The following RAPGEF2 variants were observed in gnomAD, a reference collection of about 807,000 sequenced individuals.
RAPGEF2 encodes Rap guanine nucleotide exchange factor 2, also known as PDZ domain containing guanine nucleotide exchange factor (GEF) 1.
A neutral mutation model predicts 186.7 loss-of-function variants in RAPGEF2; 54 were observed. That is an observed-to-expected ratio of 0.29 (90% CI 0.23 to 0.36). The LOEUF (loss-of-function observed/expected upper bound fraction) is 0.36, where lower values mean the gene tolerates loss of function less well. Among genes scored for constraint, RAPGEF2 ranks in the 10% least tolerant of loss-of-function variants. The pLI is 1.00. For missense variants in RAPGEF2, 1,532 were observed against 2,045.0 expected, an observed-to-expected ratio of 0.75 and a Z score of 4.84; for synonymous variants, 712 against 705.9, an observed-to-expected ratio of 1.01 and a Z score of -0.14.
intron 7 of RAPGEF2, among the ~76,000 whole-genome samples, chr4:159,283,599 A>G (rs1209500172): frequency 1.3e-5 from 2 of 152,204 alleles, no homozygotes; most frequent in African/African-American, 2.4e-5. Context: ...CCAAAGAAAG[A>G]TGCATCTTAG....
chr4:159,145,078 A>C (rs959742320), intron 1 of RAPGEF2, among the ~76,000 whole-genome samples: 8 of 151,364 alleles, frequency 5.3e-5, no homozygotes, highest in African/African-American at 1.9e-4. Flanking sequence ...ACAGGATTTC[A>C]CCATGTTGCC....
At chr4:159,253,535 T>C (rs1215993939) in intron 7 of RAPGEF2, among the ~76,000 whole-genome samples, 1 of 152,246 alleles carries the variant, frequency 6.6e-6, no homozygotes, top group African/African-American at 2.4e-5. Context: ...AAACTTCAAA[T>C]TTTATCATTA....
intron 11 of RAPGEF2, chr4:159,328,636 T>C (rs547138201): frequency 6.6e-6 from 1 of 152,270 alleles, no homozygotes; most frequent in East Asian, 1.9e-4. Flanking sequence ...TGCTCAGAAA[T>C]AATATTAACA....
intron 1 of RAPGEF2, among the ~76,000 whole-genome samples, chr4:159,106,636 C>G (rs1057019481): frequency 1.3e-5 from 2 of 152,188 alleles, no homozygotes; most frequent in Non-Finnish European, 2.9e-5. Context: ...AGGATAGACT[C>G]GATAAAGGAG....
chr4:159,269,154 T>C (rs1757795895), intron 7 of RAPGEF2, among the ~76,000 whole-genome samples: 1 of 152,188 alleles, frequency 6.6e-6, no homozygotes, highest in African/African-American at 2.4e-5. Context: ...AGTTTATAGA[T>C]AGAAGGCCAT....
chr4:159,162,415 T>TG (rs1367032069), intron 1 of RAPGEF2, among the ~76,000 whole-genome samples: 2 of 150,170 alleles, frequency 1.3e-5, no homozygotes, highest in Non-Finnish European at 3.0e-5. Flanking sequence ...AAAAAAGGTC[T>TG]GGGAATCTTT....
At chr4:159,250,006 A>T (rs895251324) in intron 7 of RAPGEF2, among the ~76,000 whole-genome samples, 10 of 152,228 alleles carry the variant, frequency 6.6e-5, no homozygotes, top group African/African-American at 1.9e-4. Context: ...TATCAAGGCA[A>T]AAAAGTAAAA....
chr4:159,165,403 A>G (rs575267161), intron 1 of RAPGEF2, among the ~76,000 whole-genome samples: 34 of 152,314 alleles, frequency 2.2e-4, no homozygotes, highest in Admixed American at 2.0e-3. Flanking sequence ...AATCATTCAG[A>G]TCGGATATGT....
At chr4:159,287,627 A>G (rs1291262068) in intron 7 of RAPGEF2, among the ~76,000 whole-genome samples, 1 of 152,106 alleles carries the variant, frequency 6.6e-6, no homozygotes, top group Non-Finnish European at 1.5e-5. Flanking sequence ...AAAATATGTT[A>G]ATTTTTGTTT....
intron 1 of RAPGEF2, among the ~76,000 whole-genome samples, chr4:159,158,727 T>A (rs530334926): frequency 2.4e-4 from 37 of 152,200 alleles, no homozygotes; most frequent in Admixed American, 1.6e-3. Flanking sequence ...CTTTTTAATT[T>A]ATGCAATTTG....
Position 159,285,770 on chromosome 4 carries a change from C to T in RAPGEF2, c.544-18572C>T, listed in dbSNP as rs115641012. Among the ~76,000 whole-genome samples, 1,252 of 152,180 alleles carry T rather than the reference C, an allele frequency of 8.2e-3. 15 individuals are homozygous for T. The highest frequency in any genetic ancestry group is 0.028 in the African/African-American group (1,177 of 41,522). On this transcript the variant is annotated intron_variant, in intron 7 of 29. Coordinates refer to ENST00000691494, the MANE Select transcript of RAPGEF2 (RefSeq NM_001394067.2). Reference sequence around the variant, plus strand: ...CAAGAATCACTGTCTCATCACAGTACGGATCAGAATATTCCCTCCCTCATC... The same window carrying T: ...CAAGAATCACTGTCTCATCACAGTATGGATCAGAATATTCCCTCCCTCATC...
intron 1 of RAPGEF2, among the ~76,000 whole-genome samples, chr4:159,164,728 A>G (rs1745111928): frequency 6.6e-6 from 1 of 152,180 alleles, no homozygotes. Flanking sequence ...CTTGAAACTG[A>G]TATTTTGGTT....
At chr4:159,276,591 A>G (rs1758907445) in intron 7 of RAPGEF2, among the ~76,000 whole-genome samples, 1 of 152,200 alleles carries the variant, frequency 6.6e-6, no homozygotes, top group African/African-American at 2.4e-5. Context: ...TAAAATTTGA[A>G]ATAGCTTAGC....
intron 4 of RAPGEF2, among the ~76,000 whole-genome samples, chr4:159,221,563 T>G (rs756125554): frequency 1.3e-5 from 2 of 152,158 alleles, no homozygotes; most frequent in Non-Finnish European, 2.9e-5. Context: ...AAAATAATAA[T>G]ATAAAAACTA....
At position 159,332,534 on chromosome 4, in the gene RAPGEF2, G is replaced by C. The variant is rs183438275; in HGVS notation, c.1972G>C (p.Ala658Pro). The C allele has an allele frequency of 1.9e-6, 3 of 1,614,108 alleles. No homozygotes were observed. The East Asian group carries it at 6.7e-5, about 36-fold the overall frequency. The change falls in exon 17 of 30, where the codon GCC becomes CCC. Residue 658 changes from alanine (A) to proline (P), a missense_variant. Coordinates refer to ENST00000691494, the MANE Select transcript of RAPGEF2 (RefSeq NM_001394067.2). ...TCCTAAAATTGGTGACATTAAAAAG[G>C]CCAGTCGCTACTCCATTCCAGATCT... ...HLPKIGDIKK[A>P]SRYSIPDLAV...
chr4:159,358,736 C>T lies in RAPGEF2; in HGVS notation c.*597C>T, dbSNP rs1229606802. The T allele has an allele frequency of 6.6e-6, 1 of 151,910 alleles. No individual in the cohort carries two copies. The highest frequency in any genetic ancestry group is 2.4e-5 in the African/African-American group (1 of 41,340). 9.4% of individuals were successfully genotyped at this position (151,910 alleles called of 1,614,324 possible). A position where few individuals can be genotyped will look rare whatever the true frequency, so the allele number is the denominator to read the frequency against. ...TAAATATATATCCATTTAATGATTACAGTATTATTTTAAACCTTAAGTAGG... is the reference window on the plus strand; with the variant it reads ...TAAATATATATCCATTTAATGATTATAGTATTATTTTAAACCTTAAGTAGG... On this transcript the variant is annotated 3_prime_UTR_variant, in exon 30 of 30. Coordinates refer to ENST00000691494, the MANE Select transcript of RAPGEF2 (RefSeq NM_001394067.2).
At position 159,343,474 on chromosome 4, in the gene RAPGEF2, A is replaced by AT. The variant is rs1350393322; in HGVS notation, c.3254+77dup. ...TAAATTTAGAGCTTCCCAATAAATG[A>AT]TTTTTTTAAAGTTTGAGTATTTATA... On this transcript the variant is annotated intron_variant, in intron 22 of 29. Transcript: ENST00000691494. The AT allele has an allele frequency of 6.8e-5, 107 of 1,565,912 alleles. No individual in the cohort carries two copies. The East Asian group carries it at 7.2e-4, about 11-fold the overall frequency.
At chr4:159,343,571 C>T (rs939247183) in intron 22 of RAPGEF2, among the ~76,000 whole-genome samples, 167 bp downstream of exon 22, 2 of 152,128 alleles carry the variant, frequency 1.3e-5, no homozygotes, top group African/African-American at 4.8e-5. Flanking sequence ...GAATAAATGT[C>T]TTATTCTGTA....
chr4:159,130,336 C>T (rs1388942094), intron 1 of RAPGEF2, among the ~76,000 whole-genome samples: 1 of 152,086 alleles, frequency 6.6e-6, no homozygotes, highest in Non-Finnish European at 1.5e-5. Context: ...CTTATTTTAC[C>T]CAGCCCCTAT....
Sources: gnomAD v4.1 joint callset for allele counts (sites outside exome capture counted in the v4.1 genomes callset) on GRCh38, gnomAD v4.1.1 for gene constraint, MANE v1.5 for transcripts, NCBI Gene and HGNC (gene_info 2026-07-23, HGNC 2026-07-21) for gene names.